Variants in DLGAP1 observed in about 807,000 individuals in gnomAD.
The protein encoded by DLGAP1 is DLG associated protein 1.
DLGAP1 carries 11 observed loss-of-function variants against 90.8 expected under a neutral mutation model. The observed-to-expected ratio is 0.12, with a 90% CI of 0.08 to 0.20. The LOEUF is 0.20. DLGAP1 is among the 10% of genes least tolerant of loss of function. The pLI, the probability that DLGAP1 is intolerant of heterozygous loss-of-function variation, is 1.00. For synonymous variants in DLGAP1, 558 were observed against 540.7 expected (o/e 1.03, Z -0.44); for missense variants, 1,050 against 1,333.8 (o/e 0.79, Z 3.31).
intron 1 of DLGAP1, among the ~76,000 whole-genome samples, chr18:4,360,458 G>A (rs1171603213): frequency 1.3e-5 from 2 of 152,148 alleles, no homozygotes; most frequent in East Asian, 1.9e-4. Context: ...TGGAACTCAC[G>A]AAAGTGAAAG....
chr18:4,053,591 C>T (rs1208020070), intron 2 of DLGAP1, among the ~76,000 whole-genome samples: 1 of 152,204 alleles, frequency 6.6e-6, no homozygotes, highest in Non-Finnish European at 1.5e-5. Context: ...AGCACCTCCC[C>T]CTTTGCTCTA....
intron 1 of DLGAP1, among the ~76,000 whole-genome samples, chr18:4,397,799 T>C (rs2144498650): frequency 6.6e-6 from 1 of 152,332 alleles, no homozygotes; most frequent in East Asian, 1.9e-4. Flanking sequence ...GAACCAGTGG[T>C]ATTTACAATT....
At chr18:3,562,671 A>G (rs2054205112) in intron 9 of DLGAP1, among the ~76,000 whole-genome samples, 1 of 149,450 alleles carries the variant, frequency 6.7e-6, no homozygotes, top group Non-Finnish European at 1.5e-5. Context: ...CAGCCTCCCA[A>G]GTAGCTGGGA....
chr18:3,853,740 G>A (rs1288431319), intron 4 of DLGAP1, among the ~76,000 whole-genome samples: 1 of 151,974 alleles, frequency 6.6e-6, no homozygotes, highest in Non-Finnish European at 1.5e-5. Flanking sequence ...TTTCCTTTGA[G>A]TGTCATGTTG....
intron 1 of DLGAP1, among the ~76,000 whole-genome samples, chr18:4,172,576 T>C (rs2077042202): frequency 6.6e-6 from 1 of 152,204 alleles, no homozygotes; most frequent in African/African-American, 2.4e-5. Context: ...TTATTGAGCC[T>C]ACCCATCAAA....
chr18:4,105,903 G>A (rs973378405), intron 2 of DLGAP1, among the ~76,000 whole-genome samples: 1 of 151,768 alleles, frequency 6.6e-6, no homozygotes, highest in African/African-American at 2.4e-5. Flanking sequence ...GTGGTGGCGG[G>A]CACCTGTAGT....
intron 5 of DLGAP1, among the ~76,000 whole-genome samples, chr18:3,784,590 T>C (rs571663665): frequency 1.3e-5 from 2 of 152,278 alleles, no homozygotes; most frequent in South Asian, 2.1e-4. Flanking sequence ...TGATTAGGCC[T>C]CTTGATGACG....
intron 2 of DLGAP1, among the ~76,000 whole-genome samples, chr18:4,105,383 G>A (rs2075842295): frequency 6.6e-6 from 1 of 152,182 alleles, no homozygotes. Context: ...GAAAACCAAT[G>A]TAACTTAATA....
At position 3,879,413 on chromosome 18, in the gene DLGAP1, G is replaced by A. The variant is rs200889593; in HGVS notation, c.656C>T (p.Ser219Leu). Reference sequence around the variant, plus strand: ...GCACCTGCCCATGGTCATCACGCCCGAGGGGGCGTGGTAGATGCACATGTC... The same window carrying A: ...GCACCTGCCCATGGTCATCACGCCCAAGGGGGCGTGGTAGATGCACATGTC... ...DGDMCIYHAP[S>L]GVMTMGRCPD... The change falls in exon 4 of 13, where the codon TCG becomes TTG. Residue 219 changes from serine (S) to leucine (L), a missense_variant. Physicochemically the swap from Ser to Leu is moderately radical, Grantham distance 145. Transcript: ENST00000315677. The surrounding 1 kb of genome is among the most constrained non-coding windows in gnomAD (Gnocchi z 6.6). 6.8e-6 allele frequency: 11 copies of A among 1,611,266 alleles called. No individual in the cohort carries two copies. Among genetic ancestry groups the A allele is most frequent in the Admixed American group, 1.7e-5 (1 of 60,016 alleles).
intron 7 of DLGAP1, among the ~76,000 whole-genome samples, chr18:3,602,037 CAT>C (rs1239674832): frequency 7.3e-5 from 11 of 151,634 alleles, no homozygotes; most frequent in Admixed American, 2.6e-4. Flanking sequence ...ATAAATAAAA[CAT>C]ATGATTTACC....
Position 3,988,710 on chromosome 18 carries a change from G to A in DLGAP1, c.-73+16406C>T, listed in dbSNP as rs548609215. Among the ~76,000 whole-genome samples, 31 of 152,254 alleles carry A rather than the reference G, an allele frequency of 2.0e-4. 1 individual carries two copies. The Middle Eastern group carries it at 0.024, about 117-fold the overall frequency. ...TGCAGCCCGGTTCCTAACAGGCCAC[G>A]GACCCGTACTGCAGGATGTCTGAAA... On this transcript the variant is annotated intron_variant, in intron 3 of 12. Coordinates refer to ENST00000315677, the MANE Select transcript of DLGAP1 (RefSeq NM_004746.4).
At chr18:3,807,497 T>C (rs906481663) in intron 5 of DLGAP1, among the ~76,000 whole-genome samples, 2 of 152,048 alleles carry the variant, frequency 1.3e-5, no homozygotes, top group Non-Finnish European at 2.9e-5. Context: ...ATGCATAGAG[T>C]TCTGATGATC....
At chr18:4,246,436 T>A (rs2078653864) in intron 1 of DLGAP1, among the ~76,000 whole-genome samples, 1 of 152,186 alleles carries the variant, frequency 6.6e-6, no homozygotes, top group Non-Finnish European at 1.5e-5. Context: ...TTAGCATCAA[T>A]CTGGGATATG....
At position 3,622,279 on chromosome 18, in the gene DLGAP1, T is replaced by C. The variant is rs375670762; in HGVS notation, c.1592-40031A>G. Among the ~76,000 whole-genome samples the C allele has an allele frequency of 2.7e-4, 41 of 152,136 alleles. 3 individuals are homozygous for C. The highest frequency in any genetic ancestry group is 6.3e-4 in the African/African-American group (26 of 41,526). On this transcript the variant is annotated intron_variant, in intron 7 of 12. Transcript: ENST00000315677. The stretch of plus-strand genomic sequence containing the variant: ...ACCAACACGCCCGGCTAATTTTTTG[T>C]ATTTTTTAGTAGAGACGGGGTTTCA...
chr18:3,963,694 A>G (rs1490845742), intron 3 of DLGAP1, among the ~76,000 whole-genome samples: 1 of 144,330 alleles, frequency 6.9e-6, no homozygotes, highest in Non-Finnish European at 1.5e-5. Flanking sequence ...CTTTGTTTCC[A>G]TTGCAAGTAC....
intron 3 of DLGAP1, among the ~76,000 whole-genome samples, chr18:3,889,661 C>T (rs2148853318): frequency 6.6e-6 from 1 of 152,266 alleles, no homozygotes; most frequent in South Asian, 2.1e-4. Flanking sequence ...AGGTGATCAC[C>T]ACATTTTCTG....
chr18:3,686,809 C>A (rs1046666019), intron 7 of DLGAP1, among the ~76,000 whole-genome samples: 1 of 152,104 alleles, frequency 6.6e-6, no homozygotes, highest in Non-Finnish European at 1.5e-5. Context: ...AGAATAATGC[C>A]CCTCCCCCAG....
At chr18:4,302,701 G>A (rs9966108) in intron 1 of DLGAP1, among the ~76,000 whole-genome samples, 32,664 of 151,836 alleles carry the variant, frequency 0.22, 3,600 homozygotes, top group African/African-American at 0.25. Context: ...GCTTATTTGG[G>A]AATTTTTGTG....
At chr18:3,675,834 C>T (rs566698502) in intron 7 of DLGAP1, among the ~76,000 whole-genome samples, 4 of 152,338 alleles carry the variant, frequency 2.6e-5, no homozygotes, top group African/African-American at 7.2e-5. Flanking sequence ...GGTGTAAATA[C>T]TGCCACATGA....
Sources: allele counts gnomAD v4.1 joint callset (sites outside exome capture counted in the v4.1 genomes callset), GRCh38; gene constraint gnomAD v4.1.1; non-coding constraint Gnocchi (gnomAD v3.1); transcripts MANE v1.5; gene names NCBI Gene and HGNC (gene_info 2026-07-23, HGNC 2026-07-21).